ARHGAP17: variants seen among roughly 807,000 people sequenced by gnomAD.
ARHGAP17 encodes the protein rho GTPase-activating protein 17.
ARHGAP17 carries 57 observed loss-of-function variants against 99.5 expected under a neutral mutation model. That is an observed-to-expected ratio of 0.57 (90% CI 0.46 to 0.71). The LOEUF (loss-of-function observed/expected upper bound fraction) is 0.71. Among genes scored for constraint, ARHGAP17 ranks in the 30% least tolerant of loss-of-function variants. ARHGAP17 has a pLI of 0.00. For missense variants in ARHGAP17, 1,000 were observed against 1,122.4 expected (o/e 0.89, Z 1.56); for synonymous variants, 417 against 429.6 (o/e 0.97, Z 0.36).
At chr16:24,957,760 G>A (rs1436754765) in intron 9 of ARHGAP17, among the ~76,000 whole-genome samples, 1 of 152,182 alleles carries the variant, frequency 6.6e-6, no homozygotes, top group Non-Finnish European at 1.5e-5. Context: ...CAGGCAGGAA[G>A]GGGTCATCTG....
chr16:24,922,683 A>AT (rs1160627456), intron 19 of ARHGAP17, among the ~76,000 whole-genome samples: 9 of 149,830 alleles, frequency 6.0e-5, no homozygotes, highest in South Asian at 2.1e-4. Context: ...AAAAAAAAAA[A>AT]TTTTTTTTTT....
chr16:24,935,329 G>T, intron 18 of ARHGAP17, 141 bp downstream of exon 18: 3 of 1,059,330 alleles, frequency 2.8e-6, no homozygotes, highest in Non-Finnish European at 2.6e-6. Context: ...CTTTTCTCTT[G>T]AATGACTGAA....
At chr16:24,998,463 T>C (rs2053264367) in intron 1 of ARHGAP17, among the ~76,000 whole-genome samples, 1 of 150,834 alleles carries the variant, frequency 6.6e-6, no homozygotes, top group Admixed American at 6.6e-5. Context: ...CGGGTCAACC[T>C]GGGCCTCAGA....
intron 4 of ARHGAP17, 118 bp from the exon 5 acceptor site, chr16:24,968,890 G>T: frequency 1.2e-6 from 1 of 841,288 alleles, no homozygotes; most frequent in Non-Finnish European, 1.9e-6. Context: ...TACCTAACGA[G>T]CCTTGAAAAT....
intron 15 of ARHGAP17, among the ~76,000 whole-genome samples, chr16:24,943,034 C>T (rs144725941): frequency 6.6e-6 from 1 of 152,032 alleles, no homozygotes; most frequent in Non-Finnish European, 1.5e-5. Context: ...GGGCTTGCAC[C>T]CCACGGGACA....
intron 7 of ARHGAP17, among the ~76,000 whole-genome samples, chr16:24,961,901 C>A: frequency 1.1e-5 from 1 of 88,310 alleles, no homozygotes; most frequent in African/African-American, 5.1e-5. Flanking sequence ...TATAAATATA[C>A]ATAGGAATTT....
intron 16 of ARHGAP17, among the ~76,000 whole-genome samples, chr16:24,940,860 T>C (rs950932598): frequency 6.6e-6 from 1 of 152,226 alleles, no homozygotes; most frequent in Non-Finnish European, 1.5e-5. Flanking sequence ...AAAAGATACC[T>C]GGCTTCTTGA....
chr16:24,938,303 G>A (rs891227282), intron 17 of ARHGAP17, among the ~76,000 whole-genome samples: 5 of 152,018 alleles, frequency 3.3e-5, no homozygotes, highest in African/African-American at 1.2e-4. Flanking sequence ...GACGGAGGTT[G>A]CAGTGAACCG....
chr16:24,922,450 C>T (rs369195038), intron 19 of ARHGAP17, among the ~76,000 whole-genome samples: 6 of 152,172 alleles, frequency 3.9e-5, no homozygotes, highest in Non-Finnish European at 5.9e-5. Context: ...GATCCACACA[C>T]ATTATTAATT....
At chr16:25,013,615 C>A (rs2053702319) in intron 1 of ARHGAP17, among the ~76,000 whole-genome samples, 1 of 150,288 alleles carries the variant, frequency 6.7e-6, no homozygotes, top group Admixed American at 6.6e-5. Context: ...AAGGGAGACC[C>A]TGTCTCAAAA....
At chr16:25,006,690 T>C (rs949626367) in intron 1 of ARHGAP17, among the ~76,000 whole-genome samples, 3 of 152,090 alleles carry the variant, frequency 2.0e-5, no homozygotes, top group African/African-American at 7.2e-5. Context: ...CTGTAGTGAG[T>C]GGCTGTGTTC....
chr16:24,964,436 G>T (rs2052111131), intron 6 of ARHGAP17, 128 bp from the exon 7 acceptor site: 2 of 669,162 alleles, frequency 3.0e-6, no homozygotes, highest in Non-Finnish European at 5.2e-6. Context: ...CATTGCCCAG[G>T]ATGCCAAATT....
intron 1 of ARHGAP17, among the ~76,000 whole-genome samples, chr16:25,008,736 G>A (rs552050759): frequency 2.9e-4 from 44 of 152,238 alleles, no homozygotes; most frequent in African/African-American, 9.9e-4. Flanking sequence ...GTAACATGCC[G>A]CTTACACATA....
chr16:24,948,442 G>T (rs749632328), intron 13 of ARHGAP17, among the ~76,000 whole-genome samples: 1 of 152,066 alleles, frequency 6.6e-6, no homozygotes, highest in South Asian at 2.1e-4. Context: ...ATTTTTCATC[G>T]TATACCATTT....
At chr16:24,988,117 T>C (rs145194353) in intron 1 of ARHGAP17, among the ~76,000 whole-genome samples, 3 of 152,356 alleles carry the variant, frequency 2.0e-5, no homozygotes, top group Middle Eastern at 3.4e-3. Flanking sequence ...AATAGTTTGA[T>C]TTCATAGTGA....
At chr16:24,998,197 G>A (rs2053254352) in intron 1 of ARHGAP17, among the ~76,000 whole-genome samples, 1 of 152,042 alleles carries the variant, frequency 6.6e-6, no homozygotes, top group Non-Finnish European at 1.5e-5. Context: ...AGTGGGAGGA[G>A]AGGGTCCTGG....
intron 19 of ARHGAP17, among the ~76,000 whole-genome samples, chr16:24,923,608 C>T (rs968668947): frequency 6.6e-6 from 1 of 151,956 alleles, no homozygotes; most frequent in Non-Finnish European, 1.5e-5. Context: ...CCTCTAGTTC[C>T]ACCTTCCAGC....
At chr16:24,968,798 G>A (rs760465527) in intron 4 of ARHGAP17, 26 bp from the exon 5 acceptor site, 7 of 1,608,786 alleles carry the variant, frequency 4.4e-6, no homozygotes, top group African/African-American at 1.3e-5. Context: ...CCCCAACAAC[G>A]AGCACGTGCT....
At chr16:24,949,278 T>C (rs919778930) in intron 13 of ARHGAP17, 126 bp downstream of exon 13, 3 of 658,748 alleles carry the variant, frequency 4.6e-6, no homozygotes, top group Non-Finnish European at 7.5e-6. Flanking sequence ...CTCTCCAAAG[T>C]GATGTGGTTT....
Sources: gnomAD v4.1 joint callset for allele counts (sites outside exome capture counted in the v4.1 genomes callset) on GRCh38, gnomAD v4.1.1 for gene constraint, MANE v1.5 for transcripts, NCBI Gene and HGNC (gene_info 2026-07-23, HGNC 2026-07-21) for gene names.